ZNF277: variants seen among roughly 807,000 people sequenced by gnomAD.
ZNF277 encodes the protein nuclear receptor-interacting factor 4.
Under a neutral mutation model 60.7 loss-of-function variants are expected in ZNF277, and 55 were observed. The ratio of observed to expected loss-of-function variants is 0.91; its 90% confidence interval spans 0.73 to 1.13. The LOEUF is 1.13. Ranked by LOEUF, ZNF277 falls within the 50% of genes most tolerant of loss-of-function variation. The pLI, the probability that ZNF277 is intolerant of heterozygous loss-of-function variation, is 0.00. For synonymous variants in ZNF277, 178 were observed against 179.3 expected, an observed-to-expected ratio of 0.99 and a Z score of 0.06; for missense variants, 510 against 523.0, an observed-to-expected ratio of 0.98 and a Z score of 0.24.
At chr7:112,294,371 T>A (rs1237250221) in intron 2 of ZNF277, among the ~76,000 whole-genome samples, 2 of 152,200 alleles carry the variant, frequency 1.3e-5, no homozygotes, top group Non-Finnish European at 2.9e-5. Context: ...GGATCCAATA[T>A]GCACTTGCCT....
intron 4 of ZNF277, among the ~76,000 whole-genome samples, chr7:112,297,186 C>A (rs1318769424): frequency 6.6e-6 from 1 of 151,794 alleles, no homozygotes; most frequent in East Asian, 1.9e-4. Context: ...CTCAGTCTCC[C>A]AAAGTGCTGA....
intron 1 of ZNF277, among the ~76,000 whole-genome samples, chr7:112,272,628 G>T (rs570473269): frequency 1.0e-3 from 156 of 152,192 alleles, no homozygotes; most frequent in Non-Finnish European, 1.7e-3. Context: ...TGAGTAGCTG[G>T]GATTATAGGC....
chr7:112,330,888 A>C (rs1021922650), intron 7 of ZNF277, among the ~76,000 whole-genome samples: 10 of 152,052 alleles, frequency 6.6e-5, no homozygotes, highest in Non-Finnish European at 2.9e-5. Context: ...CTGGCCAGAG[A>C]GACTTCTATA....
chr7:112,319,230 C>A (rs1488341011), intron 5 of ZNF277, among the ~76,000 whole-genome samples: 1 of 152,024 alleles, frequency 6.6e-6, no homozygotes, highest in African/African-American at 2.4e-5. Context: ...AAGTCCCAAC[C>A]CTCTAATCAT....
intron 1 of ZNF277, among the ~76,000 whole-genome samples, chr7:112,266,514 G>A (rs550286162): frequency 1.6e-4 from 24 of 152,014 alleles, no homozygotes; most frequent in African/African-American, 4.8e-4. Context: ...ATTGGTCCAG[G>A]GTTGTCACTA....
intron 1 of ZNF277, among the ~76,000 whole-genome samples, chr7:112,243,417 T>C (rs1365560008): frequency 6.6e-6 from 1 of 151,090 alleles, no homozygotes; most frequent in Admixed American, 6.6e-5. Context: ...GAGAAAATAC[T>C]TGCAAACTGT....
chr7:112,243,394 A>G (rs931104946), intron 1 of ZNF277, among the ~76,000 whole-genome samples: 8 of 151,878 alleles, frequency 5.3e-5, no homozygotes, highest in African/African-American at 1.9e-4. Flanking sequence ...TGAACAGACA[A>G]CCTATGGAAT....
intron 5 of ZNF277, among the ~76,000 whole-genome samples, chr7:112,322,045 AT>A (rs754000612): frequency 4.0e-4 from 61 of 152,120 alleles, no homozygotes; most frequent in Non-Finnish European, 8.5e-4. Context: ...ACAAAAAAAA[AT>A]AAACAGCTAC....
intron 1 of ZNF277, among the ~76,000 whole-genome samples, chr7:112,263,257 A>G (rs1025713474): frequency 6.6e-6 from 1 of 152,208 alleles, no homozygotes; most frequent in Non-Finnish European, 1.5e-5. Context: ...AACTGTCAGA[A>G]GCAGGAGGGT....
chr7:112,207,861 G>A (rs945881299), intron 1 of ZNF277, among the ~76,000 whole-genome samples: 9 of 152,088 alleles, frequency 5.9e-5, no homozygotes, highest in Non-Finnish European at 8.8e-5. Context: ...CCCAACAGTG[G>A]AACTCCCTAC....
chr7:112,212,300 C>G (rs955513520), intron 1 of ZNF277, among the ~76,000 whole-genome samples: 3 of 152,146 alleles, frequency 2.0e-5, no homozygotes, highest in African/African-American at 7.2e-5. Flanking sequence ...GGCTGTCATT[C>G]TATTTCTATA....
chr7:112,336,314 CA>C, intron 8 of ZNF277, 143 bp downstream of exon 8: 1 of 582,992 alleles, frequency 1.7e-6, no homozygotes. Flanking sequence ...TGTAATGTGG[CA>C]AAAACTTGAA....
chr7:112,271,093 ACATTC>A (rs1231907814), intron 1 of ZNF277, among the ~76,000 whole-genome samples: 2 of 152,136 alleles, frequency 1.3e-5, no homozygotes, highest in Non-Finnish European at 2.9e-5. Context: ...TTCCATTTAG[ACATTC>A]CATTGAAGCT....
chr7:112,283,980 G>C (rs1176278632), intron 1 of ZNF277, among the ~76,000 whole-genome samples: 1 of 152,206 alleles, frequency 6.6e-6, no homozygotes, highest in African/African-American at 2.4e-5. Context: ...AACAGTTGGA[G>C]AAATGCCATT....
chr7:112,257,793 A>C (rs1382659007), intron 1 of ZNF277, among the ~76,000 whole-genome samples: 2 of 151,836 alleles, frequency 1.3e-5, no homozygotes, highest in African/African-American at 4.8e-5. Flanking sequence ...TTTAATTTTT[A>C]ATTTATATTA....
intron 5 of ZNF277, 70 bp from the exon 6 acceptor site, chr7:112,327,647 A>C: frequency 8.7e-7 from 1 of 1,145,602 alleles, no homozygotes; most frequent in East Asian, 2.5e-5. Flanking sequence ...TATTATGTGA[A>C]TGCTATTCCA....
intron 1 of ZNF277, among the ~76,000 whole-genome samples, chr7:112,217,561 C>T (rs951911649): frequency 8.5e-5 from 13 of 152,194 alleles, no homozygotes; most frequent in African/African-American, 3.1e-4. Flanking sequence ...AACCTCCAAG[C>T]TGCCGGTGTT....
At chr7:112,257,110 A>G (rs544245492) in intron 1 of ZNF277, among the ~76,000 whole-genome samples, 1 of 152,374 alleles carries the variant, frequency 6.6e-6, no homozygotes, top group East Asian at 1.9e-4. Flanking sequence ...ACTGACTACA[A>G]ACATTGTGTA....
intron 1 of ZNF277, among the ~76,000 whole-genome samples, chr7:112,262,832 ACACT>A (rs1314654683): frequency 6.6e-6 from 1 of 152,182 alleles, no homozygotes; most frequent in Non-Finnish European, 1.5e-5. Flanking sequence ...AGGGACTTAG[ACACT>A]CACAGTGTCC....
Sources: gnomAD v4.1 joint callset for allele counts (sites outside exome capture counted in the v4.1 genomes callset) on GRCh38, gnomAD v4.1.1 for gene constraint, MANE v1.5 for transcripts, NCBI Gene and HGNC (gene_info 2026-07-23, HGNC 2026-07-21) for gene names.